NIN: variants seen among roughly 807,000 people sequenced by gnomAD.
NIN encodes glycogen synthase kinase 3 beta-interacting protein.
NIN carries 137 observed loss-of-function variants against 257.6 expected under a neutral mutation model. The ratio of observed to expected loss-of-function variants is 0.53; its 90% CI spans 0.46 to 0.61. The LOEUF is 0.61. NIN is among the 20% of genes least tolerant of loss of function. NIN has a pLI of 0.00. For synonymous variants in NIN, 918 were observed against 919.8 expected (o/e 1.00, Z 0.04); for missense variants, 2,439 against 2,501.2 (o/e 0.98, Z 0.53).
chr14:50,756,740 T>C lies in NIN; in HGVS notation c.4290A>G (p.Ile1430Met). 1.9e-6 allele frequency: 3 copies of C among 1,551,648 alleles called. No individual in the cohort carries two copies. Among genetic ancestry groups the C allele is most frequent in the Non-Finnish European group, 2.6e-6 (3 of 1,146,992 alleles). Residue 1430 changes from isoleucine to methionine, a missense_variant, in exon 18 of 31, where the codon ATA becomes ATG. This residue lies in a region of NIN where 2,043 missense variants were observed against 2,050.2 expected (regional missense o/e 1.00). Transcript: ENST00000530997. ...QERPRVQNQV[I>M]LEENTTLLGF... Reference sequence around the variant, plus strand: ...CTAGGAGAGTAGTGTTTTCCTCCAGTATAACTTGATTCTGTACTCTTGGCC... The same window carrying C: ...CTAGGAGAGTAGTGTTTTCCTCCAGCATAACTTGATTCTGTACTCTTGGCC...
intron 28 of NIN, among the ~76,000 whole-genome samples, chr14:50,731,377 A>G (rs1346877556): frequency 6.6e-6 from 1 of 151,888 alleles, no homozygotes; most frequent in African/African-American, 2.4e-5. Context: ...TAAAAGTACA[A>G]AAATTACCCA....
At position 50,831,157 on chromosome 14, in the gene NIN, A is replaced by AGGGCCGGGCCCGCGCGGGGAGGAG. The variant is rs2045689127; in HGVS notation, c.-228_-227insCTCCTCCCCGCGCGGGCCCGGCCC. On this transcript the variant is annotated 5_prime_UTR_variant, in exon 1 of 31. Transcript: ENST00000530997. ...CCGGAGCTCTGGACGCCGGGGAGGAAGGGCCGGGCCCGCGCGGGGAGGAGG... is the reference window on the plus strand; with the variant it reads ...CCGGAGCTCTGGACGCCGGGGAGGAAGGGCCGGGCCCGCGCGGGGAGGAGGGGCCGGGCCCGCGCGGGGAGGAGG... 6.6e-6 allele frequency: 1 copy of AGGGCCGGGCCCGCGCGGGGAGGAG among 150,416 alleles called. No individual in the cohort carries two copies. Among genetic ancestry groups the AGGGCCGGGCCCGCGCGGGGAGGAG allele is most frequent in the Non-Finnish European group, 1.5e-5 (1 of 67,450 alleles). The allele number at this position is 150,416 out of a possible 1,614,324, so 9.3% of individuals were successfully genotyped here. A position where few individuals can be genotyped will look rare whatever the true frequency, so the allele number is the denominator to read the frequency against.
intron 3 of NIN, among the ~76,000 whole-genome samples, chr14:50,816,558 G>C (rs995342874): frequency 6.6e-6 from 1 of 152,040 alleles, no homozygotes; most frequent in Non-Finnish European, 1.5e-5. Flanking sequence ...CAAATGCAGG[G>C]GCTGGGAAAT....
At chr14:50,791,993 T>C (rs1353941557) in intron 5 of NIN, 1 of 152,198 alleles carries the variant, frequency 6.6e-6, no homozygotes, top group Non-Finnish European at 1.5e-5. Flanking sequence ...TTTTCAATCA[T>C]GTTCTATAAA....
chr14:50,741,424 C>T (rs1005556114), intron 25 of NIN, among the ~76,000 whole-genome samples, 158 bp downstream of exon 25: 2 of 152,072 alleles, frequency 1.3e-5, no homozygotes, highest in African/African-American at 4.8e-5. Context: ...TGGAAATGTT[C>T]TACATTTTTA....
chr14:50,789,230 A>G (rs2043474104), intron 5 of NIN, among the ~76,000 whole-genome samples: 1 of 152,222 alleles, frequency 6.6e-6, no homozygotes, highest in Non-Finnish European at 1.5e-5. Context: ...GAGGAGACAG[A>G]AGGGCTTCCA....
At chr14:50,732,273 T>C (rs985733009) in intron 28 of NIN, among the ~76,000 whole-genome samples, 3 of 152,074 alleles carry the variant, frequency 2.0e-5, no homozygotes, top group Non-Finnish European at 2.9e-5. Context: ...AATCCAGAGA[T>C]TCTGATATAG....
chr14:50,747,710 G>C (rs1472875061), intron 22 of NIN, among the ~76,000 whole-genome samples: 1 of 149,726 alleles, frequency 6.7e-6, no homozygotes, highest in East Asian at 1.9e-4. Context: ...CTCCAGCCTA[G>C]GCAACAGAGG....
At chr14:50,759,755 C>G in intron 17 of NIN, 102 bp downstream of exon 17, 2 of 1,280,874 alleles carry the variant, frequency 1.6e-6, no homozygotes, top group Non-Finnish European at 2.1e-6. Context: ...TCCCAGAGTG[C>G]TGGGATTACA....
At chr14:50,791,571 T>A (rs1398477106) in intron 5 of NIN, among the ~76,000 whole-genome samples, 2 of 152,150 alleles carry the variant, frequency 1.3e-5, no homozygotes, top group Non-Finnish European at 2.9e-5. Flanking sequence ...AAAAAAATGA[T>A]GCAGACCCCG....
At position 50,741,546 on chromosome 14, in the gene NIN, A is replaced by C. The variant is rs745684817; in HGVS notation, c.5448+36T>G. ...CCTAAGATTTGTATACTTTACTGTA[A>C]ATAACTTATACCTAAATAAAAAAAG... On this transcript the variant is annotated intron_variant, in intron 25 of 30. Transcript: ENST00000530997. 3.1e-6 allele frequency: 5 copies of C among 1,597,912 alleles called. No individual in the cohort carries two copies. In the African/African-American group the frequency reaches 6.7e-5, roughly 22 times the overall value.
At chr14:50,751,727 A>G (rs952087732) in intron 21 of NIN, among the ~76,000 whole-genome samples, 4 of 152,106 alleles carry the variant, frequency 2.6e-5, no homozygotes, top group Non-Finnish European at 4.4e-5. Flanking sequence ...GAGTCTTGTT[A>G]TGTTGTCCAG....
intron 28 of NIN, among the ~76,000 whole-genome samples, chr14:50,735,091 T>C (rs1305433331): frequency 1.3e-5 from 2 of 152,188 alleles, no homozygotes; most frequent in Admixed American, 1.3e-4. Flanking sequence ...CTTCCAAATG[T>C]TAATGCTCTC....
At chr14:50,733,057 C>CA (rs375436401) in intron 28 of NIN, among the ~76,000 whole-genome samples, 5,656 of 150,012 alleles carry the variant, frequency 0.038, 133 homozygotes, top group Non-Finnish European at 0.05. Flanking sequence ...GACAGAATCT[C>CA]AAAAAAAATA....
At position 50,778,794 on chromosome 14, in the gene NIN, G is replaced by A. The variant is rs369882346; in HGVS notation, c.446C>T (p.Thr149Met). 153 of 1,613,916 alleles carry A rather than the reference G, an allele frequency of 9.5e-5. No individual in the cohort carries two copies. Among genetic ancestry groups the A allele is most frequent in the Admixed American group, 2.2e-4 (13 of 60,000 alleles). The change falls in exon 6 of 31, where the codon ACG becomes ATG. Residue 149 changes from threonine to methionine, a missense_variant. By Grantham distance (81) the Thr-to-Met change is moderately conservative. Coordinates refer to ENST00000530997, the MANE Select transcript of NIN (RefSeq NM_020921.4). ...PAGDCSEHWK[T>M]QRSEEYEAEG... ...CGCTTCATACTCCTCACTGCGTTGC[G>A]TCTTCCAGTGCTAGAGAAGGCAAGA... is the stretch of plus-strand genomic sequence containing the variant.
At chr14:50,780,612 A>G (rs936734164) in intron 5 of NIN, among the ~76,000 whole-genome samples, 5 of 152,192 alleles carry the variant, frequency 3.3e-5, no homozygotes, top group African/African-American at 4.8e-5. Flanking sequence ...AGGGCCAACC[A>G]CCTACCACAG....
intron 3 of NIN, among the ~76,000 whole-genome samples, chr14:50,818,100 G>T (rs2045006309): frequency 6.6e-6 from 1 of 151,614 alleles, no homozygotes; most frequent in Non-Finnish European, 1.5e-5. Flanking sequence ...GAGGTGGGCG[G>T]ATCACGAGGT....
rs35995624 is a variant in NIN, at chr14:50,760,437, C to CTTTTT, written c.1897-83_1897-79dup. ...AAGTGAAGTGATGGAGCAGCAATTG[C>CTTTTT]TTTTTTTTTTTTTTTTTTTTTCCCT... On this transcript the variant is annotated intron_variant, in intron 16 of 30. Transcript: ENST00000530997. The CTTTTT allele has an allele frequency of 1.0e-3, 430 of 425,570 alleles. 1 individual carries two copies. The African/African-American group carries it at 0.011, about 11-fold the overall frequency. 26.4% of individuals were successfully genotyped at this position (425,570 alleles called of 1,614,324 possible).
intron 27 of NIN, among the ~76,000 whole-genome samples, chr14:50,736,400 G>A (rs2040981646): frequency 6.6e-6 from 1 of 152,128 alleles, no homozygotes; most frequent in South Asian, 2.1e-4. Flanking sequence ...GCCTCCCAAA[G>A]TGCTGGGATT....
Sources: gnomAD v4.1 joint callset for allele counts (sites outside exome capture counted in the v4.1 genomes callset) on GRCh38, gnomAD v4.1.1 for gene constraint, gnomAD v4.1.1 regional missense constraint, MANE v1.5 for transcripts, NCBI Gene and HGNC (gene_info 2026-07-23, HGNC 2026-07-21) for gene names.